Variants in PIK3C2G observed in about 807,000 individuals in gnomAD.
PIK3C2G encodes the protein phosphatidylinositol-4-phosphate 3-kinase catalytic subunit type 2 gamma.
A neutral mutation model predicts 181.1 loss-of-function variants in PIK3C2G; 168 were observed. That is an observed-to-expected ratio of 0.93 (90% confidence interval 0.82 to 1.05). The LOEUF (loss-of-function observed/expected upper bound fraction) is 1.05. Ranked by LOEUF, PIK3C2G falls within the 50% of genes least tolerant of loss-of-function variation. The pLI, the probability that PIK3C2G is intolerant of heterozygous loss-of-function variation, is 0.00. For missense variants in PIK3C2G, 1,869 were observed against 1,732.8 expected (o/e 1.08, Z -1.40); for synonymous variants, 573 against 592.2 (o/e 0.97, Z 0.47).
rs573433733 is a variant in PIK3C2G, at chr12:18,630,744, A to G, written c.4183-9685A>G. Among the ~76,000 whole-genome samples, 7 of 152,240 alleles carry G rather than the reference A, an allele frequency of 4.6e-5. No homozygotes were observed. The South Asian group carries it at 1.4e-3, about 32-fold the overall frequency. On this transcript the variant is annotated intron_variant, in intron 31 of 32. Transcript: ENST00000538779. The stretch of plus-strand genomic sequence containing the variant: ...AATTCAGTTGGTATGAGCAAAAAGA[A>G]TTAAAGTTAGATGACTTCATATTAC...
chr12:18,262,235 A>G (rs958365498), intron 1 of PIK3C2G, among the ~76,000 whole-genome samples: 8 of 152,046 alleles, frequency 5.3e-5, no homozygotes, highest in Non-Finnish European at 1.0e-4. Context: ...TTCTTGTCTG[A>G]TGAACAATTC....
intron 14 of PIK3C2G, among the ~76,000 whole-genome samples, chr12:18,388,421 C>T (rs1417640967): frequency 2.0e-5 from 3 of 152,134 alleles, no homozygotes; most frequent in Non-Finnish European, 2.9e-5. Context: ...ATTACAGGTG[C>T]ATGCCACCAT....
chr12:18,374,311 A>G (rs990342175), intron 13 of PIK3C2G, among the ~76,000 whole-genome samples: 1 of 152,196 alleles, frequency 6.6e-6, no homozygotes, highest in Non-Finnish European at 1.5e-5. Context: ...AAACAATTAG[A>G]TTCCTTAGAC....
chr12:18,539,291 T>C (rs1313364657), intron 25 of PIK3C2G, among the ~76,000 whole-genome samples: 1 of 151,938 alleles, frequency 6.6e-6, no homozygotes, highest in Non-Finnish European at 1.5e-5. Flanking sequence ...ATAAATGACC[T>C]AGTAGTGAAT....
rs780601696 is a variant in PIK3C2G, at chr12:18,286,897, G to A, written c.729G>A (p.Thr243=). The change falls in exon 3 of 33, where the codon ACG becomes ACA. Residue 243 remains threonine (T), a synonymous_variant. Coordinates refer to ENST00000538779, the MANE Select transcript of PIK3C2G (RefSeq NM_001288772.2). ...TGGAAGTACCTCAAAGCAGCAATAC[G>A]AGTCTGGCCTCTTTTTGCAACAAAG... ...QLVEVPQSSN[T]SLASFCNKVK... The A allele has an allele frequency of 2.0e-5, 32 of 1,573,444 alleles. No homozygotes were observed. The South Asian group carries it at 2.1e-4, about 11-fold the overall frequency.
chr12:18,292,227 A>AAAAAAAAAAAAATAT lies in PIK3C2G; in HGVS notation c.919+1216_919+1217insAAAAAAAAAAATATA. On this transcript the variant is annotated intron_variant, in intron 4 of 32. Transcript: ENST00000538779. ...CTCCATCTCAAAAAAAAAAAAAAAAAATATATATATATATATATATATATA... is the reference window on the plus strand; with the variant it reads ...CTCCATCTCAAAAAAAAAAAAAAAAAAAAAAAAAAAAATATATATATATATATATATATATATATA... 2.5e-4 allele frequency among the ~76,000 whole-genome samples: 12 copies of AAAAAAAAAAAAATAT among 48,720 alleles called. 1 individual carries two copies. Among genetic ancestry groups the AAAAAAAAAAAAATAT allele is most frequent in the East Asian group, 6.8e-4 (1 of 1,470 alleles). The allele number at this position is 48,720 out of a possible 152,430, so 32.0% of individuals were successfully genotyped here.
At position 18,294,103 on chromosome 12, in the gene PIK3C2G, C is replaced by T. The variant is rs560220684; in HGVS notation, c.1034+88C>T. On this transcript the variant is annotated intron_variant, in intron 5 of 32. Transcript: ENST00000538779. The stretch of plus-strand genomic sequence containing the variant: ...ATGGTTTTGTTTTAAACAGACTTTA[C>T]ACAAACATTATAGTCTTATATAATT... 1.0e-4 allele frequency: 67 copies of T among 655,962 alleles called. No individual in the cohort carries two copies. In the African/African-American group the frequency reaches 1.1e-3, roughly 11 times the overall value. The allele number at this position is 655,962 out of a possible 1,614,324, so 40.6% of individuals were successfully genotyped here. A position where few individuals can be genotyped will look rare whatever the true frequency, so the allele number is the denominator to read the frequency against.
intron 11 of PIK3C2G, chr12:18,358,701 C>G (rs1470386095): frequency 2.1e-6 from 1 of 474,840 alleles, no homozygotes; most frequent in Non-Finnish European, 4.2e-6. Flanking sequence ...TTCCAGGAAC[C>G]AAAGAAAGAG....
intron 7 of PIK3C2G, among the ~76,000 whole-genome samples, chr12:18,322,506 A>G (rs954307771): frequency 6.6e-6 from 1 of 152,094 alleles, no homozygotes; most frequent in Non-Finnish European, 1.5e-5. Context: ...TGAAGTTATT[A>G]TATATTTACA....
chr12:18,407,925 G>C (rs966143107), intron 16 of PIK3C2G, among the ~76,000 whole-genome samples: 1 of 152,118 alleles, frequency 6.6e-6, no homozygotes, highest in Non-Finnish European at 1.5e-5. Context: ...ACATTTGAAG[G>C]TCAAACTAGA....
chr12:18,398,444 G>T (rs1944026658), intron 15 of PIK3C2G, among the ~76,000 whole-genome samples: 1 of 152,054 alleles, frequency 6.6e-6, no homozygotes, highest in African/African-American at 2.4e-5. Flanking sequence ...TTACAGATGA[G>T]GAAAACTTTA....
chr12:18,548,330 A>G (rs1944545793), intron 26 of PIK3C2G, among the ~76,000 whole-genome samples: 1 of 152,076 alleles, frequency 6.6e-6, no homozygotes, highest in African/African-American at 2.4e-5. Context: ...TGTGGGCAGA[A>G]CAATTATAGT....
chr12:18,648,853 T>C (rs1950295880), downstream of PIK3C2G, among the ~76,000 whole-genome samples: 1 of 152,166 alleles, frequency 6.6e-6, no homozygotes, highest in Non-Finnish European at 1.5e-5. Flanking sequence ...TGCCACATTC[T>C]TTAAAACAAT....
chr12:18,252,751 C>T (rs1948107088), intron 1 of PIK3C2G, among the ~76,000 whole-genome samples: 1 of 152,104 alleles, frequency 6.6e-6, no homozygotes, highest in African/African-American at 2.4e-5. Context: ...GGTACCTCTC[C>T]AAAGAAAAGT....
the PIK3C2G span, among the ~76,000 whole-genome samples, chr12:18,674,239 C>T: frequency 1.3e-5 from 2 of 152,198 alleles, no homozygotes; most frequent in African/African-American, 4.8e-5. Context: ...TAAATTCAAA[C>T]AATAGCTTAA....
chr12:18,246,218 A>G (rs990524434), upstream of PIK3C2G, among the ~76,000 whole-genome samples: 31 of 152,152 alleles, frequency 2.0e-4, no homozygotes, highest in African/African-American at 6.8e-4. Context: ...CTTCCAAAAC[A>G]TGATAGCTGG....
At chr12:18,514,987 T>A (rs1942442501) in intron 24 of PIK3C2G, among the ~76,000 whole-genome samples, 1 of 152,094 alleles carries the variant, frequency 6.6e-6, no homozygotes, top group African/African-American at 2.4e-5. Context: ...TCTATAACTC[T>A]TGAAGCAATT....
chr12:18,700,062 A>G, the PIK3C2G span: 2 of 900,438 alleles, frequency 2.2e-6, no homozygotes, highest in African/African-American at 3.4e-5. Flanking sequence ...TTTTCATAAG[A>G]TTATCTCCTC....
the PIK3C2G span, chr12:18,700,030 T>G: frequency 8.8e-7 from 1 of 1,140,014 alleles, no homozygotes; most frequent in African/African-American, 1.6e-5. Flanking sequence ...GAAAATACAC[T>G]TTCAAACAAA....
Sources: gnomAD v4.1 joint callset for allele counts (sites outside exome capture counted in the v4.1 genomes callset) on GRCh38, gnomAD v4.1.1 for gene constraint, MANE v1.5 for transcripts, NCBI Gene and HGNC (gene_info 2026-07-23, HGNC 2026-07-21) for gene names.